Variants in TXNL1 observed in about 807,000 individuals in gnomAD.
TXNL1 encodes thioredoxin like 1.
In TXNL1, 14 loss-of-function variants were observed where a neutral mutation model predicts 35.5. The ratio of observed to expected loss-of-function variants is 0.39; its 90% CI spans 0.26 to 0.62. The LOEUF is 0.62. Among genes scored for constraint, TXNL1 ranks in the 20% least tolerant of loss-of-function variants. The pLI is 0.47. For synonymous variants in TXNL1, 110 were observed against 115.5 expected, an observed-to-expected ratio of 0.95 and a Z score of 0.31; for missense variants, 263 against 349.7, an observed-to-expected ratio of 0.75 and a Z score of 1.98.
At chr18:56,611,784 C>T (rs1167195029) in intron 6 of TXNL1, among the ~76,000 whole-genome samples, 1 of 151,200 alleles carries the variant, frequency 6.6e-6, no homozygotes, top group Non-Finnish European at 1.5e-5. Flanking sequence ...ACCTCCGCCT[C>T]CCAGGTTCAA....
At chr18:56,612,792 A>G (rs2024018715) in intron 6 of TXNL1, among the ~76,000 whole-genome samples, 1 of 152,174 alleles carries the variant, frequency 6.6e-6, no homozygotes, top group Non-Finnish European at 1.5e-5. Flanking sequence ...TTTGATAATG[A>G]GTATACTAAG....
At chr18:56,630,569 G>A (rs2024354983) in intron 1 of TXNL1, among the ~76,000 whole-genome samples, 1 of 152,284 alleles carries the variant, frequency 6.6e-6, no homozygotes, top group Admixed American at 6.5e-5. Flanking sequence ...TCACTACCTA[G>A]GAATAATCAC....
chr18:56,622,405 T>C (rs1165613827), intron 3 of TXNL1, among the ~76,000 whole-genome samples: 2 of 152,184 alleles, frequency 1.3e-5, no homozygotes, highest in Non-Finnish European at 2.9e-5. Flanking sequence ...GTAGGATAAT[T>C]AGAAATATTG....
chr18:56,620,141 G>C (rs2024157589), intron 3 of TXNL1, among the ~76,000 whole-genome samples: 1 of 151,944 alleles, frequency 6.6e-6, no homozygotes, highest in African/African-American at 2.4e-5. Context: ...GCTACTTTTT[G>C]TATTTTTAGT....
intron 6 of TXNL1, among the ~76,000 whole-genome samples, chr18:56,611,477 G>A (rs1212940096): frequency 8.0e-5 from 12 of 150,204 alleles, no homozygotes; most frequent in East Asian, 4.0e-4. Flanking sequence ...ACTCCAGCCC[G>A]GGCAACAAGA....
chr18:56,626,980 AT>A (rs556368982), intron 1 of TXNL1, among the ~76,000 whole-genome samples: 197 of 125,548 alleles, frequency 1.6e-3, no homozygotes, highest in Non-Finnish European at 1.5e-3. Flanking sequence ...ACCAAGCTAC[AT>A]TTTTTTTTTT....
rs377666888 is a variant in TXNL1 at position 56,603,539 on chromosome 18, A to G, written c.841-483T>C. Among the ~76,000 whole-genome samples, 110 of 152,196 alleles carry G rather than the reference A, an allele frequency of 7.2e-4. 2 individuals are homozygous for G. The South Asian group carries it at 0.022, about 30-fold the overall frequency. On this transcript the variant is annotated intron_variant, in intron 7 of 7. Coordinates refer to ENST00000217515, the MANE Select transcript of TXNL1 (RefSeq NM_004786.3). ...CAATGAAAACAGATTAAAAGTGACT[A>G]ATTTTTTCTGGTTTAAGAAAAAGAT... is the stretch of plus-strand genomic sequence containing the variant.
intron 2 of TXNL1, 156 bp downstream of exon 2, chr18:56,626,205 C>T: frequency 7.2e-7 from 1 of 1,379,598 alleles, no homozygotes; most frequent in Non-Finnish European, 9.4e-7. Flanking sequence ...CTAATGCAGC[C>T]ATAATGACAT....
At chr18:56,604,533 AG>A (rs2023857903) in intron 7 of TXNL1, 1 of 152,214 alleles carries the variant, frequency 6.6e-6, no homozygotes, top group Non-Finnish European at 1.5e-5. Flanking sequence ...CCAAACGTAA[AG>A]CTCTTTTATT....
intron 3 of TXNL1, among the ~76,000 whole-genome samples, chr18:56,620,352 T>C (rs545407086): frequency 6.6e-6 from 1 of 152,384 alleles, no homozygotes; most frequent in South Asian, 2.1e-4. Context: ...TCTGCAGCTT[T>C]CTTTTTTGGT....
chr18:56,612,039 T>G (rs2024004758), intron 6 of TXNL1, among the ~76,000 whole-genome samples: 1 of 147,344 alleles, frequency 6.8e-6, no homozygotes. Context: ...TTTTTTTTTT[T>G]TAAATTTAGT....
chr18:56,631,747 C>T (rs2024374653), intron 1 of TXNL1, among the ~76,000 whole-genome samples: 1 of 152,022 alleles, frequency 6.6e-6, no homozygotes, highest in African/African-American at 2.4e-5. Context: ...TGGTGAAACC[C>T]CCGTCTCTAC....
Position 56,602,943 on chromosome 18 carries a change from ATTG to A in TXNL1, c.*81_*83del. On this transcript the variant is annotated 3_prime_UTR_variant, in exon 8 of 8. Transcript: ENST00000217515. ...TATTGGTAATGGCAATGAATGAAAC[ATTG>A]ACAGTCTCTGGCGAGAATCAAGCAA... is the stretch of plus-strand genomic sequence containing the variant. 12 of 1,398,432 alleles carry A rather than the reference ATTG, an allele frequency of 8.6e-6. No homozygotes were observed. The highest frequency in any genetic ancestry group is 1.1e-5 in the Non-Finnish European group (11 of 985,732). The allele number at this position is 1,398,432 out of a possible 1,614,324, so 86.6% of individuals were successfully genotyped here.
In TXNL1 at chr18:56,599,161, T is replaced by C. The variant is rs569516200; in HGVS notation, c.*3866A>G. The C allele has an allele frequency of 1.3e-5, 2 of 152,274 alleles. No individual in the cohort carries two copies. Among genetic ancestry groups the C allele is most frequent in the South Asian group, 2.1e-4 (1 of 4,834 alleles). 9.4% of individuals were successfully genotyped at this position (152,274 alleles called of 1,614,324 possible). A position where few individuals can be genotyped will look rare whatever the true frequency, so the allele number is the denominator to read the frequency against. ...TTCTAAAGGTTATCTCTTTATCTTA[T>C]AGTTCTCTAATTACACATTCTCCAA... On this transcript the variant is annotated 3_prime_UTR_variant, in exon 8 of 8. Coordinates refer to ENST00000217515, the MANE Select transcript of TXNL1 (RefSeq NM_004786.3).
intron 7 of TXNL1, chr18:56,609,001 T>C (rs1166970583): frequency 4.6e-5 from 7 of 151,722 alleles, no homozygotes; most frequent in African/African-American, 9.7e-5. Context: ...TCTTACCAAA[T>C]TGGTTTTTCT....
intron 6 of TXNL1, among the ~76,000 whole-genome samples, chr18:56,613,050 G>C (rs1490886781): frequency 6.6e-6 from 1 of 151,972 alleles, no homozygotes; most frequent in Non-Finnish European, 1.5e-5. Context: ...ATGTTGCCCA[G>C]GCTGGTCTCA....
chr18:56,626,260 A>G (rs952737160), intron 2 of TXNL1, 101 bp downstream of exon 2: 4 of 1,498,426 alleles, frequency 2.7e-6, no homozygotes, highest in Admixed American at 4.5e-5. Context: ...CTTCAAAGGA[A>G]TAAGTACTAT....
At chr18:56,620,531 T>C (rs1227192546) in intron 3 of TXNL1, among the ~76,000 whole-genome samples, 1 of 152,216 alleles carries the variant, frequency 6.6e-6, no homozygotes, top group Non-Finnish European at 1.5e-5. Flanking sequence ...GGAAGAAATC[T>C]TTACTACTAT....
At chr18:56,633,383 C>T (rs2144337929) in intron 1 of TXNL1, among the ~76,000 whole-genome samples, 1 of 146,658 alleles carries the variant, frequency 6.8e-6, no homozygotes, top group Non-Finnish European at 1.5e-5. Flanking sequence ...GGAGGTGGAG[C>T]TTGCAGTGAG....
Sources: allele counts gnomAD v4.1 joint callset (sites outside exome capture counted in the v4.1 genomes callset), GRCh38; gene constraint gnomAD v4.1.1; transcripts MANE v1.5; gene names NCBI Gene and HGNC (gene_info 2026-07-23, HGNC 2026-07-21).